PDE4D: variants seen among roughly 807,000 people sequenced by gnomAD.
PDE4D encodes 3',5'-cyclic-AMP phosphodiesterase 4D.
A neutral mutation model predicts 87.4 loss-of-function variants in PDE4D; 24 were observed. The observed-to-expected ratio is 0.27, with a 90% CI of 0.20 to 0.39. The LOEUF is 0.39. PDE4D is among the 10% of genes least tolerant of loss of function. The probability of loss-of-function intolerance (pLI) is 1.00; values close to 1 mark genes in which losing one functional copy is unlikely to be tolerated. For missense variants in PDE4D, 714 were observed against 1,041.0 expected, an observed-to-expected ratio of 0.69 and a Z score of 4.32; for synonymous variants, 384 against 383.2, an observed-to-expected ratio of 1.00 and a Z score of -0.02.
Position 58,975,738 on chromosome 5 carries a change from G to GCGGAAGAACTCCTCCATTATC in PDE4D, c.1911_1931dup (p.Ile638_Arg644dup). 1 of 1,613,246 alleles carries GCGGAAGAACTCCTCCATTATC rather than the reference G, an allele frequency of 6.2e-7. No individual in the cohort carries two copies. Among genetic ancestry groups the GCGGAAGAACTCCTCCATTATC allele is most frequent in the Non-Finnish European group, 8.5e-7 (1 of 1,179,476 alleles). On this transcript the variant is annotated inframe_insertion, in exon 14 of 15. Coordinates refer to ENST00000340635, the MANE Select transcript of PDE4D (RefSeq NM_001104631.2). This position sits in a 1 kb window ranked among gnomAD's most constrained non-coding sequence, Gnocchi z 4.2. The stretch of plus-strand genomic sequence containing the variant: ...CACGTTCCCTCTCTCGGTCTCCTTG[G>GCGGAAGAACTCCTCCATTATC]CGGAAGAACTCCTCCATTATCCGGT...
chr5:60,040,424 T>A (rs1250910560), intron 2 of PDE4D, among the ~76,000 whole-genome samples: 1 of 152,186 alleles, frequency 6.6e-6, no homozygotes, highest in Non-Finnish European at 1.5e-5. Flanking sequence ...TGGGTGGAAA[T>A]TCCACCTGTA....
intron 11 of PDE4D, among the ~76,000 whole-genome samples, chr5:58,986,690 C>T (rs1746500851): frequency 6.6e-6 from 1 of 152,136 alleles, no homozygotes; most frequent in South Asian, 2.1e-4. Context: ...CCCTGCGCCC[C>T]CAGTTTATGG....
At chr5:60,108,041 T>C (rs1777216785) in intron 2 of PDE4D, among the ~76,000 whole-genome samples, 1 of 152,114 alleles carries the variant, frequency 6.6e-6, no homozygotes, top group Admixed American at 6.5e-5. Flanking sequence ...ACAAAGGGTA[T>C]TCAGTTAGGA....
At chr5:60,406,259 T>C (rs1741521576) in intron 1 of PDE4D, among the ~76,000 whole-genome samples, 1 of 152,176 alleles carries the variant, frequency 6.6e-6, no homozygotes, top group Admixed American at 6.5e-5. Flanking sequence ...TTTTAAAACT[T>C]GCCATGTCTA....
At chr5:59,260,662 T>C (rs2153535151) in intron 1 of PDE4D, among the ~76,000 whole-genome samples, 1 of 151,704 alleles carries the variant, frequency 6.6e-6, no homozygotes, top group Middle Eastern at 3.4e-3. Flanking sequence ...ATTCAGGAAA[T>C]TACTAACAAT....
At chr5:59,860,101 T>G (rs941839673) in intron 1 of PDE4D, among the ~76,000 whole-genome samples, 1 of 152,148 alleles carries the variant, frequency 6.6e-6, no homozygotes, top group African/African-American at 2.4e-5. Context: ...TAAGGACCCG[T>G]CGAGTAAGGT....
rs560065557 is a variant in PDE4D at position 60,084,836 on chromosome 5, T to C, written c.43-96119A>G. On this transcript the variant is annotated intron_variant, in intron 2 of 16. Transcript: ENST00000502484. Reference sequence around the variant, plus strand: ...ACTTTGAACTCCCCTAGCCCTCAACTGTTAACCTGCCCCATCAGCCAGATA... The same window carrying C: ...ACTTTGAACTCCCCTAGCCCTCAACCGTTAACCTGCCCCATCAGCCAGATA... Among the ~76,000 whole-genome samples the C allele has an allele frequency of 3.3e-5, 5 of 152,292 alleles. No individual in the cohort carries two copies. The South Asian group carries it at 1.0e-3, about 32-fold the overall frequency.
At chr5:59,679,004 T>C (rs989164297) in intron 1 of PDE4D, among the ~76,000 whole-genome samples, 1 of 152,184 alleles carries the variant, frequency 6.6e-6, no homozygotes, top group African/African-American at 2.4e-5. Context: ...CCAATCTTTC[T>C]ATTTCTAGTA....
At chr5:59,282,643 C>CAAAAAA (rs60262509) in intron 1 of PDE4D, among the ~76,000 whole-genome samples, 61 of 38,644 alleles carry the variant, frequency 1.6e-3, no homozygotes, top group East Asian at 2.6e-3. Context: ...AACTCCAGCT[C>CAAAAAA]AAAAAAAAAA....
intron 5 of PDE4D, among the ~76,000 whole-genome samples, chr5:59,124,006 T>G (rs780634433): frequency 3.9e-5 from 6 of 152,208 alleles, no homozygotes; most frequent in Non-Finnish European, 7.3e-5. Flanking sequence ...TTTCTACAAC[T>G]GTCAAGTCAA....
At chr5:59,767,499 G>GAAA (rs1762949984) in intron 1 of PDE4D, among the ~76,000 whole-genome samples, 1 of 151,172 alleles carries the variant, frequency 6.6e-6, no homozygotes, top group South Asian at 2.1e-4. Flanking sequence ...CCAAGAGCAG[G>GAAA]AAAAGATGAG....
At chr5:59,719,371 G>A (rs1206246670) in intron 1 of PDE4D, among the ~76,000 whole-genome samples, 1 of 152,056 alleles carries the variant, frequency 6.6e-6, no homozygotes, top group Non-Finnish European at 1.5e-5. Flanking sequence ...CAGATACGAT[G>A]GACTACATAA....
rs1175260937 is a variant in PDE4D, at chr5:59,596,899, T to C, written c.455+296269A>G. ...GTCCTGTAGACTCAGGGGCTGAAGTTACCATTTTGGGTTCAGTGCAAACTG... is the reference window on the plus strand; with the variant it reads ...GTCCTGTAGACTCAGGGGCTGAAGTCACCATTTTGGGTTCAGTGCAAACTG... On this transcript the variant is annotated intron_variant, in intron 1 of 14. Coordinates refer to ENST00000340635, the MANE Select transcript of PDE4D (RefSeq NM_001104631.2). 1.3e-5 allele frequency among the ~76,000 whole-genome samples: 2 copies of C among 152,124 alleles called. 1 individual carries two copies. Among genetic ancestry groups the C allele is most frequent in the Non-Finnish European group, 2.9e-5 (2 of 68,016 alleles).
chr5:58,979,380 G>T (rs545273446), intron 11 of PDE4D, among the ~76,000 whole-genome samples: 4 of 152,292 alleles, frequency 2.6e-5, no homozygotes, highest in African/African-American at 9.6e-5. Flanking sequence ...GCTGTTACAG[G>T]AAAGTGGTGG....
Position 59,628,924 on chromosome 5 carries a change from T to C in PDE4D, c.455+264244A>G, listed in dbSNP as rs370963765. Among the ~76,000 whole-genome samples, 14 of 152,274 alleles carry C rather than the reference T, an allele frequency of 9.2e-5. No homozygotes were observed. The East Asian group carries it at 2.5e-3, about 27-fold the overall frequency. Reference sequence around the variant, plus strand: ...GGAAGCCTCAGGAAACTTACAACCATGGTGGAAGGGGAAGCTAACATGTCC... The same window carrying C: ...GGAAGCCTCAGGAAACTTACAACCACGGTGGAAGGGGAAGCTAACATGTCC... On this transcript the variant is annotated intron_variant, in intron 1 of 14. Transcript: ENST00000340635.
chr5:59,136,755 CT>C (rs1416094154), intron 5 of PDE4D, among the ~76,000 whole-genome samples: 12 of 152,276 alleles, frequency 7.9e-5, no homozygotes, highest in Non-Finnish European at 1.5e-4. Flanking sequence ...TGCTATCCTG[CT>C]CTGTCACATA....
At chr5:59,382,448 G>T (rs777397400) in intron 1 of PDE4D, among the ~76,000 whole-genome samples, 2 of 151,996 alleles carry the variant, frequency 1.3e-5, no homozygotes, top group Non-Finnish European at 2.9e-5. Context: ...CAAATCAGAG[G>T]ATATTTTATT....
intron 6 of PDE4D, among the ~76,000 whole-genome samples, chr5:59,009,393 T>G (rs1752313578): frequency 6.6e-6 from 1 of 151,946 alleles, no homozygotes; most frequent in East Asian, 1.9e-4. Context: ...AATGAAATAC[T>G]AAAAAGCAAT....
intron 1 of PDE4D, among the ~76,000 whole-genome samples, chr5:59,742,158 G>A (rs1758941585): frequency 6.6e-6 from 1 of 152,088 alleles, no homozygotes; most frequent in African/African-American, 2.4e-5. Flanking sequence ...CCACCTCCCA[G>A]GTTCAAGCAA....
Sources: allele counts gnomAD v4.1 joint callset (sites outside exome capture counted in the v4.1 genomes callset), GRCh38; gene constraint gnomAD v4.1.1; non-coding constraint Gnocchi (gnomAD v3.1); transcripts MANE v1.5; gene names NCBI Gene and HGNC (gene_info 2026-07-23, HGNC 2026-07-21).